Variants in ADAMTSL1 observed in about 807,000 individuals in gnomAD.
ADAMTSL1 encodes ADAMTS like 1, also known as ADAMTS-like protein 1.
In ADAMTSL1, 126 loss-of-function variants were observed where a neutral mutation model predicts 201.8. The observed-to-expected ratio is 0.62, with a 90% CI of 0.54 to 0.72. ADAMTSL1 has a LOEUF of 0.72. ADAMTSL1 is among the 30% of genes least tolerant of loss of function. The probability of loss-of-function intolerance (pLI) is 0.00; values close to 1 mark genes in which losing one functional copy is unlikely to be tolerated. For synonymous variants in ADAMTSL1, 1,121 were observed against 903.4 expected (o/e 1.24, Z -4.32); for missense variants, 2,679 against 2,277.8 (o/e 1.18, Z -3.59).
chr9:17,923,868 A>C, intron 1 of ADAMTSL1, among the ~76,000 whole-genome samples: 1 of 120,238 alleles, frequency 8.3e-6, no homozygotes, highest in Non-Finnish European at 1.7e-5. Flanking sequence ...CTTTTTCTGC[A>C]TCTATTGAGA....
At chr9:18,442,791 G>C (rs1307937754) in intron 2 of ADAMTSL1, among the ~76,000 whole-genome samples, 1 of 152,178 alleles carries the variant, frequency 6.6e-6, no homozygotes, top group African/African-American at 2.4e-5. Context: ...GCATAGACTG[G>C]GTGGTAAAAG....
At chr9:18,646,080 A>T (rs1481991888) in intron 7 of ADAMTSL1, among the ~76,000 whole-genome samples, 2 of 151,858 alleles carry the variant, frequency 1.3e-5, no homozygotes, top group African/African-American at 4.8e-5. Context: ...AGTGGTTTGT[A>T]GTTCTCCTTG....
chr9:18,434,622 A>C (rs10511654), intron 2 of ADAMTSL1, among the ~76,000 whole-genome samples: 6,822 of 152,282 alleles, frequency 0.045, 388 homozygotes, highest in African/African-American at 0.12. Flanking sequence ...AGGTGGTTAG[A>C]AAATTCTGCA....
chr9:18,177,659 C>T (rs1225691414), intron 2 of ADAMTSL1, among the ~76,000 whole-genome samples: 1 of 152,174 alleles, frequency 6.6e-6, no homozygotes, highest in East Asian at 1.9e-4. Flanking sequence ...ACCTATATTC[C>T]AGCCAGTGAG....
intron 2 of ADAMTSL1, among the ~76,000 whole-genome samples, chr9:18,460,171 C>T (rs182894766): frequency 5.9e-4 from 90 of 152,250 alleles, no homozygotes; most frequent in African/African-American, 2.1e-3. Context: ...TCAGCTAAGC[C>T]GCTGAGCAAC....
At chr9:18,353,451 T>C (rs1016897941) in intron 2 of ADAMTSL1, among the ~76,000 whole-genome samples, 4 of 152,200 alleles carry the variant, frequency 2.6e-5, no homozygotes, top group Admixed American at 1.3e-4. Flanking sequence ...TGGACATCCA[T>C]AATATTTATG....
intron 19 of ADAMTSL1, among the ~76,000 whole-genome samples, chr9:18,794,702 C>T (rs1588122992): frequency 6.6e-6 from 1 of 151,602 alleles, no homozygotes; most frequent in East Asian, 1.9e-4. Context: ...GGGGCAATCT[C>T]AGCCCACTAC....
chr9:18,536,264 C>G (rs993734561), intron 3 of ADAMTSL1, among the ~76,000 whole-genome samples: 55 of 152,260 alleles, frequency 3.6e-4, no homozygotes, highest in African/African-American at 1.3e-3. Context: ...AGTCTCTTAG[C>G]TAAATCTCCA....
chr9:18,399,338 A>C (rs7868636), intron 2 of ADAMTSL1, among the ~76,000 whole-genome samples: 3 of 78,622 alleles, frequency 3.8e-5, no homozygotes, highest in African/African-American at 1.4e-4. Context: ...TAAAATTATT[A>C]TTTTCTTTTT....
At chr9:17,944,611 A>G (rs1217550168) in intron 1 of ADAMTSL1, among the ~76,000 whole-genome samples, 4 of 146,448 alleles carry the variant, frequency 2.7e-5, no homozygotes, top group Non-Finnish European at 4.5e-5. Flanking sequence ...TGGTACCAAA[A>G]CAGAGATATA....
chr9:18,232,918 A>C (rs1830698374), intron 2 of ADAMTSL1, among the ~76,000 whole-genome samples: 1 of 152,190 alleles, frequency 6.6e-6, no homozygotes, highest in Non-Finnish European at 1.5e-5. Context: ...TCTTTTCTGA[A>C]GGTCTTAGTA....
At chr9:18,017,222 A>G (rs1820295322) in intron 1 of ADAMTSL1, among the ~76,000 whole-genome samples, 1 of 152,086 alleles carries the variant, frequency 6.6e-6, no homozygotes, top group Non-Finnish European at 1.5e-5. Context: ...TAAAAGCCCT[A>G]TAAAATACAA....
At chr9:18,540,810 C>G (rs1322760698) in intron 3 of ADAMTSL1, among the ~76,000 whole-genome samples, 2 of 152,096 alleles carry the variant, frequency 1.3e-5, no homozygotes, top group Admixed American at 6.6e-5. Flanking sequence ...TAGGAAGACT[C>G]TTAAGTGAGA....
chr9:18,487,402 G>T (rs1392423405), intron 1 of ADAMTSL1, among the ~76,000 whole-genome samples: 5 of 152,168 alleles, frequency 3.3e-5, no homozygotes, highest in Non-Finnish European at 1.5e-5. Flanking sequence ...CTTTGGAACA[G>T]CATCAAATAG....
intron 1 of ADAMTSL1, among the ~76,000 whole-genome samples, chr9:17,995,528 G>T (rs1355005496): frequency 6.6e-6 from 1 of 152,008 alleles, no homozygotes; most frequent in Non-Finnish European, 1.5e-5. Context: ...TTTATTTTGG[G>T]TTAATTGGGA....
intron 3 of ADAMTSL1, among the ~76,000 whole-genome samples, chr9:18,565,792 C>T (rs371071465): frequency 1.9e-4 from 29 of 152,284 alleles, no homozygotes; most frequent in African/African-American, 6.5e-4. Context: ...TGTTTAATTT[C>T]ATTTTACATA....
intron 15 of ADAMTSL1, among the ~76,000 whole-genome samples, chr9:18,744,861 T>G (rs1042122002): frequency 3.9e-5 from 6 of 152,230 alleles, no homozygotes; most frequent in Admixed American, 6.5e-5. Flanking sequence ...TACAGGTCAG[T>G]TACTTTGTAA....
In ADAMTSL1 at chr9:18,120,105, C is replaced by T. The variant is rs908605049; in HGVS notation, c.88-43757C>T. Among the ~76,000 whole-genome samples, 4 of 152,176 alleles carry T rather than the reference C, an allele frequency of 2.6e-5. No individual in the cohort carries two copies. In the South Asian group the frequency reaches 6.2e-4, roughly 24 times the overall value. ...TAGTTGGATGGTTCTGGATCAGGCT[C>T]TCTCTAGGGTTACAGGAGTGGGCTG... is the stretch of plus-strand genomic sequence containing the variant. On this transcript the variant is annotated intron_variant, in intron 1 of 29. Coordinates refer to the ADAMTSL1 transcript ENST00000680146.
intron 16 of ADAMTSL1, among the ~76,000 whole-genome samples, chr9:18,758,973 T>C (rs887660274): frequency 6.6e-6 from 1 of 152,172 alleles, no homozygotes; most frequent in Non-Finnish European, 1.5e-5. Context: ...TTGTTTTTGT[T>C]CTAAAAATTA....
Sources: gnomAD v4.1 joint callset for allele counts (sites outside exome capture counted in the v4.1 genomes callset) on GRCh38, gnomAD v4.1.1 for gene constraint, MANE v1.5 for transcripts, NCBI Gene and HGNC (gene_info 2026-07-23, HGNC 2026-07-21) for gene names.